SLC30A9: variants seen among roughly 807,000 people sequenced by gnomAD.
SLC30A9 encodes proton-coupled zinc antiporter SLC30A9, mitochondrial.
Under a neutral mutation model 87.5 loss-of-function variants are expected in SLC30A9, and 58 were observed. That is an observed-to-expected ratio of 0.66 (90% CI 0.54 to 0.82). The LOEUF is 0.82. Among genes scored for constraint, SLC30A9 ranks in the 40% least tolerant of loss-of-function variants. The probability of loss-of-function intolerance (pLI) is 0.00; values close to 1 mark genes in which losing one functional copy is unlikely to be tolerated. For missense variants in SLC30A9, 557 were observed against 679.1 expected, an observed-to-expected ratio of 0.82 and a Z score of 2.00; for synonymous variants, 234 against 233.0, an observed-to-expected ratio of 1.00 and a Z score of -0.04.
At chr4:42,009,187 T>C (rs1715338798) in intron 2 of SLC30A9, among the ~76,000 whole-genome samples, 1 of 152,218 alleles carries the variant, frequency 6.6e-6, no homozygotes, top group African/African-American at 2.4e-5. Flanking sequence ...AATAAAAATG[T>C]TAGTTTATTT....
chr4:42,050,086 T>G (rs1487336030), intron 9 of SLC30A9, among the ~76,000 whole-genome samples: 1 of 152,034 alleles, frequency 6.6e-6, no homozygotes, highest in Non-Finnish European at 1.5e-5. Context: ...TGGGAGAACT[T>G]CAATGAGAGA....
intron 2 of SLC30A9, among the ~76,000 whole-genome samples, chr4:42,016,303 A>G (rs909562007): frequency 6.6e-6 from 1 of 152,184 alleles, no homozygotes; most frequent in African/African-American, 2.4e-5. Context: ...TTTACAATAT[A>G]TTTGATACAT....
At chr4:41,995,901 G>T (rs1237264782) in intron 1 of SLC30A9, among the ~76,000 whole-genome samples, 1 of 152,060 alleles carries the variant, frequency 6.6e-6, no homozygotes, top group Non-Finnish European at 1.5e-5. Context: ...TTAGAGACTG[G>T]GTTTCACCAT....
At chr4:42,068,676 C>G (rs1560558537) in intron 14 of SLC30A9, among the ~76,000 whole-genome samples, 1 of 152,318 alleles carries the variant, frequency 6.6e-6, no homozygotes, top group South Asian at 2.1e-4. Context: ...TATTGTGGCT[C>G]TTGTTCATTT....
At chr4:42,084,694 A>C (rs947451335) in intron 17 of SLC30A9, among the ~76,000 whole-genome samples, 1 of 151,992 alleles carries the variant, frequency 6.6e-6, no homozygotes. Context: ...GATGGTCTTG[A>C]TCTCTTGACC....
intron 16 of SLC30A9, among the ~76,000 whole-genome samples, chr4:42,076,965 A>AG (rs1718580384): frequency 9.6e-6 from 1 of 104,034 alleles, no homozygotes; most frequent in Non-Finnish European, 2.0e-5. Context: ...CCGTCTCAAA[A>AG]AAAAAAAAAA....
At chr4:42,075,892 C>A in intron 16 of SLC30A9, 106 bp downstream of exon 16, 1 of 1,096,392 alleles carries the variant, frequency 9.1e-7, no homozygotes, top group Non-Finnish European at 1.3e-6. Flanking sequence ...CTTTAGCTCT[C>A]AACTTCTTAG....
intron 10 of SLC30A9, among the ~76,000 whole-genome samples, chr4:42,060,624 C>T (rs759282508): frequency 6.6e-5 from 10 of 152,154 alleles, no homozygotes; most frequent in Non-Finnish European, 1.0e-4. Context: ...ATTAGATACA[C>T]ACTTATTTTA....
rs936860682 is a variant in SLC30A9 at position 42,090,313 on chromosome 4, A to T, written c.*4187A>T. On this transcript the variant is annotated 3_prime_UTR_variant, in exon 18 of 18. Transcript: ENST00000264451. ...TATATTTGCATGTAAGTTTACTTGC[A>T]TCCTTAGACTTGGCTTTATGCAAAA... The T allele has an allele frequency of 1.3e-5, 2 of 152,228 alleles. No individual in the cohort carries two copies. The highest frequency in any genetic ancestry group is 2.9e-5 in the Non-Finnish European group (2 of 68,026). 9.4% of individuals were successfully genotyped at this position (152,228 alleles called of 1,614,324 possible).
At chr4:42,032,306 G>A (rs960344863) in intron 6 of SLC30A9, among the ~76,000 whole-genome samples, 2 of 151,866 alleles carry the variant, frequency 1.3e-5, no homozygotes, top group South Asian at 4.2e-4. Flanking sequence ...AGCCCTCTTC[G>A]AAAAAAGTTT....
intron 2 of SLC30A9, among the ~76,000 whole-genome samples, chr4:42,015,340 A>C (rs571510808): frequency 6.6e-6 from 1 of 152,194 alleles, no homozygotes; most frequent in Non-Finnish European, 1.5e-5. Context: ...GAATATAGAA[A>C]ACTTTTTCAA....
In SLC30A9 at chr4:42,089,505, A is replaced by G. The variant is rs1197370502; in HGVS notation, c.*3379A>G. On this transcript the variant is annotated 3_prime_UTR_variant, in exon 18 of 18. Coordinates refer to ENST00000264451, the MANE Select transcript of SLC30A9 (RefSeq NM_006345.4). ...ACTGGCACAATTGCAGCTCACCGCAACCTTCACCTCCCGATTCAAGTGATT... is the reference window on the plus strand; with the variant it reads ...ACTGGCACAATTGCAGCTCACCGCAGCCTTCACCTCCCGATTCAAGTGATT... The G allele has an allele frequency of 6.6e-6, 1 of 151,870 alleles. No homozygotes were observed. Among genetic ancestry groups the G allele is most frequent in the Admixed American group, 6.6e-5 (1 of 15,228 alleles). 9.4% of individuals were successfully genotyped at this position (151,870 alleles called of 1,614,324 possible).
chr4:42,066,528 G>C, intron 12 of SLC30A9, 22 bp from the exon 13 acceptor site: 1 of 1,545,182 alleles, frequency 6.5e-7, no homozygotes, highest in Non-Finnish European at 8.9e-7. Flanking sequence ...CTGTCTTGCT[G>C]ATATGAATGC....
At chr4:41,993,136 A>T (rs1215976441) in intron 1 of SLC30A9, among the ~76,000 whole-genome samples, 1 of 151,274 alleles carries the variant, frequency 6.6e-6, no homozygotes, top group Admixed American at 6.6e-5. Flanking sequence ...ATTAATTTTA[A>T]TATATCCTAG....
intron 2 of SLC30A9, among the ~76,000 whole-genome samples, chr4:42,004,222 A>G (rs975703403): frequency 1.3e-5 from 2 of 152,164 alleles, no homozygotes; most frequent in Non-Finnish European, 2.9e-5. Flanking sequence ...CAGCATTTTA[A>G]ATTTGATTAG....
intron 8 of SLC30A9, among the ~76,000 whole-genome samples, chr4:42,043,772 T>C (rs1016012346): frequency 2.6e-5 from 4 of 152,076 alleles, no homozygotes; most frequent in Non-Finnish European, 4.4e-5. Flanking sequence ...AATCATCAGA[T>C]TCACCAAGGT....
intron 6 of SLC30A9, among the ~76,000 whole-genome samples, chr4:42,028,200 CT>C (rs2153136238): frequency 1.3e-5 from 2 of 152,298 alleles, no homozygotes; most frequent in South Asian, 4.1e-4. Flanking sequence ...ACACTGCAAC[CT>C]CCGCCTCCTG....
chr4:42,076,571 A>G (rs1718558087), intron 16 of SLC30A9, among the ~76,000 whole-genome samples: 1 of 152,192 alleles, frequency 6.6e-6, no homozygotes, highest in Non-Finnish European at 1.5e-5. Context: ...ATATATCTCT[A>G]GTCAGTTTAC....
chr4:42,052,608 C>T (rs770437450), intron 9 of SLC30A9, among the ~76,000 whole-genome samples: 10 of 152,164 alleles, frequency 6.6e-5, no homozygotes, highest in Non-Finnish European at 1.3e-4. Flanking sequence ...CCGTGCCTTT[C>T]GGCAAAGGTA....
Sources: allele counts gnomAD v4.1 joint callset (sites outside exome capture counted in the v4.1 genomes callset), GRCh38; gene constraint gnomAD v4.1.1; transcripts MANE v1.5; gene names NCBI Gene and HGNC (gene_info 2026-07-23, HGNC 2026-07-21).